ATE1: variants seen among roughly 807,000 people sequenced by gnomAD.
The protein encoded by ATE1 is arginyl-tRNA--protein transferase 1.
Under a neutral mutation model 70.5 loss-of-function variants are expected in ATE1, and 36 were observed. That is an observed-to-expected ratio of 0.51 (90% CI 0.39 to 0.67). The LOEUF is 0.67. Ranked by LOEUF, ATE1 falls within the 30% of genes least tolerant of loss-of-function variation. ATE1 has a pLI of 0.00. For synonymous variants in ATE1, 232 were observed against 219.3 expected, an observed-to-expected ratio of 1.06 and a Z score of -0.51; for missense variants, 593 against 629.5, an observed-to-expected ratio of 0.94 and a Z score of 0.62.
Position 121,902,465 on chromosome 10 carries a change from T to C in ATE1, c.739A>G (p.Lys247Glu). ...HPPSLFPPKA[K>E]SNQPKSLEDL... ...TCGAGTGATTTTGGCTGGTTGGATT[T>C]AGCCTTTGGTGGAAACAAAGATGGT... Residue 247 changes from lysine (K) to glutamate (E), a missense_variant, in exon 6 of 12, where the codon AAA becomes GAA. Lys to Glu is a moderately conservative substitution (Grantham distance 56). Coordinates refer to ENST00000224652, the MANE Select transcript of ATE1 (RefSeq NM_001001976.3). The C allele has an allele frequency of 1.9e-6, 3 of 1,614,234 alleles. No individual in the cohort carries two copies. The highest frequency in any genetic ancestry group is 2.5e-6 in the Non-Finnish European group (3 of 1,180,054).
chr10:121,928,436 G>T, upstream of ATE1: 4 of 1,518,564 alleles, frequency 2.6e-6, no homozygotes, highest in Non-Finnish European at 3.5e-6. Flanking sequence ...CGCCATGGCC[G>T]CCGCGAGGGT....
intron 8 of ATE1, among the ~76,000 whole-genome samples, chr10:121,842,512 C>CA (rs1419189746): frequency 2.6e-5 from 4 of 151,524 alleles, no homozygotes; most frequent in Non-Finnish European, 4.4e-5. Context: ...CAAAACCAAG[C>CA]AAAAAAATCA....
intron 7 of ATE1, among the ~76,000 whole-genome samples, chr10:121,873,048 T>C (rs1473692755): frequency 2.0e-5 from 3 of 152,148 alleles, no homozygotes; most frequent in Admixed American, 6.5e-5. Flanking sequence ...TATCTTCCTA[T>C]GTACCCACTT....
intron 1 of ATE1, 33 bp downstream of exon 1, chr10:121,927,811 G>C (rs375350801): frequency 1.3e-5 from 20 of 1,535,198 alleles, no homozygotes; most frequent in Non-Finnish European, 1.7e-5. Context: ...CCGGGCGCCC[G>C]GCTTCCCACG....
chr10:121,743,407 G>T lies in ATE1; in HGVS notation c.*273C>A. 2.5e-6 allele frequency: 1 copy of T among 403,148 alleles called. No individual in the cohort carries two copies. Among genetic ancestry groups the T allele is most frequent in the South Asian group, 1.1e-4 (1 of 9,362 alleles). The allele number at this position is 403,148 out of a possible 1,614,324, so 25.0% of individuals were successfully genotyped here. A position where few individuals can be genotyped will look rare whatever the true frequency, so the allele number is the denominator to read the frequency against. Reference sequence around the variant, plus strand: ...TTCATTTTACAAAATACAAACAGGAGAATTTGAGCGTATCTTGCTCTAGAA... The same window carrying T: ...TTCATTTTACAAAATACAAACAGGATAATTTGAGCGTATCTTGCTCTAGAA... On this transcript the variant is annotated 3_prime_UTR_variant, in exon 12 of 12. Transcript: ENST00000224652.
intron 11 of ATE1, among the ~76,000 whole-genome samples, chr10:121,750,265 T>C (rs1392698935): frequency 3.9e-5 from 6 of 152,014 alleles, no homozygotes; most frequent in Admixed American, 1.3e-4. Flanking sequence ...AACAGAAAAA[T>C]AAGCCATTTG....
intron 10 of ATE1, among the ~76,000 whole-genome samples, chr10:121,798,388 A>G (rs1384503205): frequency 2.0e-5 from 3 of 152,240 alleles, no homozygotes; most frequent in Non-Finnish European, 4.4e-5. Flanking sequence ...ATTTATCTCA[A>G]AAGAGATGTA....
intron 5 of ATE1, among the ~76,000 whole-genome samples, chr10:121,907,818 T>C (rs1951260636): frequency 6.6e-6 from 1 of 151,260 alleles, no homozygotes; most frequent in African/African-American, 2.4e-5. Flanking sequence ...GAATTGGAAA[T>C]ATCAGTATGA....
At chr10:121,890,018 T>TA (rs1950527533) in intron 7 of ATE1, among the ~76,000 whole-genome samples, 1 of 152,144 alleles carries the variant, frequency 6.6e-6, no homozygotes, top group Non-Finnish European at 1.5e-5. Context: ...GAGAGAAAGA[T>TA]AAAGTAAACC....
chr10:121,783,416 A>C (rs933502545), intron 11 of ATE1, among the ~76,000 whole-genome samples: 2 of 152,208 alleles, frequency 1.3e-5, no homozygotes, highest in African/African-American at 4.8e-5. Context: ...TAGGTATTAT[A>C]GTGTACAGGC....
intron 11 of ATE1, among the ~76,000 whole-genome samples, chr10:121,782,888 A>G (rs1421493564): frequency 2.6e-5 from 4 of 152,312 alleles, no homozygotes; most frequent in African/African-American, 9.6e-5. Flanking sequence ...GCCCTCGAAC[A>G]TCGGACTCTC....
At chr10:121,756,674 C>A (rs564180052) in intron 11 of ATE1, among the ~76,000 whole-genome samples, 1 of 152,330 alleles carries the variant, frequency 6.6e-6, no homozygotes, top group African/African-American at 2.4e-5. Context: ...GGGGCTTCTA[C>A]CCACTGAAGC....
chr10:121,782,383 A>C (rs1946029965), intron 11 of ATE1: 1 of 152,240 alleles, frequency 6.6e-6, no homozygotes, highest in Non-Finnish European at 1.5e-5. Context: ...AAAGCTGATG[A>C]ACAGCTTGAT....
In ATE1 at chr10:121,884,327, T is replaced by C. The variant is rs1950315575; in HGVS notation, c.943-14289A>G. ...TGACCGAAAGGAACTTTGAGTTAAATGTTGGCTTGGCACAGTAGCTCATGC... is the reference window on the plus strand; with the variant it reads ...TGACCGAAAGGAACTTTGAGTTAAACGTTGGCTTGGCACAGTAGCTCATGC... On this transcript the variant is annotated intron_variant, in intron 7 of 11. Coordinates refer to ENST00000224652, the MANE Select transcript of ATE1 (RefSeq NM_001001976.3). 2.6e-5 allele frequency among the ~76,000 whole-genome samples: 4 copies of C among 152,086 alleles called. No homozygotes were observed. The South Asian group carries it at 8.3e-4, about 32-fold the overall frequency.
chr10:121,838,257 T>A (rs1948500229), intron 9 of ATE1, among the ~76,000 whole-genome samples: 1 of 151,858 alleles, frequency 6.6e-6, no homozygotes, highest in African/African-American at 2.4e-5. Flanking sequence ...CACATATAAA[T>A]AAAACCCAAC....
At chr10:121,918,074 C>T (rs569934093) in intron 3 of ATE1, among the ~76,000 whole-genome samples, 8 of 152,260 alleles carry the variant, frequency 5.3e-5, no homozygotes, top group Admixed American at 5.2e-4. Context: ...TGGCTCAACG[C>T]CTGTAATCCC....
intron 8 of ATE1, among the ~76,000 whole-genome samples, chr10:121,846,927 G>T (rs7078636): frequency 0.013 from 2,027 of 152,020 alleles, 52 homozygotes; most frequent in African/African-American, 0.047. Context: ...CTAACCAAAA[G>T]AAAACTGGAA....
chr10:121,925,887 TA>T (rs34468953), intron 1 of ATE1, among the ~76,000 whole-genome samples: 120,831 of 141,770 alleles, frequency 0.85, 51,558 homozygotes, highest in Middle Eastern at 0.92. Context: ...GACTGCCTCT[TA>T]AAAAAAAAAA....
intron 7 of ATE1, among the ~76,000 whole-genome samples, chr10:121,895,063 A>G (rs1950725804): frequency 6.6e-6 from 1 of 152,176 alleles, no homozygotes; most frequent in South Asian, 2.1e-4. Flanking sequence ...AATCAATTTT[A>G]AGAAAAAAGA....
Sources: gnomAD v4.1 joint callset for allele counts (sites outside exome capture counted in the v4.1 genomes callset) on GRCh38, gnomAD v4.1.1 for gene constraint, MANE v1.5 for transcripts, NCBI Gene and HGNC (gene_info 2026-07-23, HGNC 2026-07-21) for gene names.